Variants in RBFOX1 observed in about 807,000 individuals in gnomAD.
RBFOX1 encodes the protein RNA binding fox-1 homolog 1, also known as RNA binding protein fox-1 homolog 1.
A neutral mutation model predicts 57.7 loss-of-function variants in RBFOX1; 8 were observed. The observed-to-expected ratio is 0.14, with a 90% CI of 0.08 to 0.25. RBFOX1 has a LOEUF of 0.25. Among genes scored for constraint, RBFOX1 ranks in the 10% least tolerant of loss-of-function variants. The pLI is 1.00. For synonymous variants in RBFOX1, 326 were observed against 222.4 expected, an observed-to-expected ratio of 1.47 and a Z score of -4.15; for missense variants, 611 against 548.5, an observed-to-expected ratio of 1.11 and a Z score of -1.14.
chr16:6,048,074 A>G (rs2095513964), intron 1 of RBFOX1, among the ~76,000 whole-genome samples: 1 of 152,210 alleles, frequency 6.6e-6, no homozygotes, highest in Admixed American at 6.5e-5. Context: ...AAATACAGCC[A>G]TTTGTGTTAT....
At chr16:7,013,448 G>C (rs2093749449) in intron 3 of RBFOX1, among the ~76,000 whole-genome samples, 1 of 152,160 alleles carries the variant, frequency 6.6e-6, no homozygotes, top group South Asian at 2.1e-4. Flanking sequence ...CTGGGAAGAG[G>C]ATGCTACTCG....
chr16:7,170,583 A>G (rs2080492317), intron 4 of RBFOX1, among the ~76,000 whole-genome samples: 1 of 152,204 alleles, frequency 6.6e-6, no homozygotes, highest in Admixed American at 6.5e-5. Flanking sequence ...GTGAGAAACT[A>G]AAGGATTTGA....
At chr16:6,509,989 A>G (rs992650919) in intron 2 of RBFOX1, among the ~76,000 whole-genome samples, 3 of 152,100 alleles carry the variant, frequency 2.0e-5, no homozygotes, top group African/African-American at 7.2e-5. Context: ...ACCTTAGACA[A>G]TTGGCCACAT....
In RBFOX1 at chr16:5,378,025, C is replaced by G. The variant is rs185340196; in HGVS notation, c.220-89191C>G. On this transcript the variant is annotated intron_variant, in intron 1 of 2. Coordinates refer to the RBFOX1 transcript ENST00000585867. The stretch of plus-strand genomic sequence containing the variant: ...ATGACCTTTTCCATTTTATTTTTTT[C>G]TTTCTGTAGTCATTCATGGAGAGAG... Among the ~76,000 whole-genome samples the G allele has an allele frequency of 9.9e-5, 15 of 151,110 alleles. No individual in the cohort carries two copies. The East Asian group carries it at 1.5e-3, about 16-fold the overall frequency.
rs532983400 is a variant in RBFOX1 at position 6,483,467 on chromosome 16, G to A, written c.-64+166410G>A. 213 of 1,535,630 alleles carry A rather than the reference G, an allele frequency of 1.4e-4. 3 individuals are homozygous for A. In the South Asian group the frequency reaches 1.7e-3, roughly 12 times the overall value. ...GACTTCTCCCGTGCTGTGTTTTCCC[G>A]GTGAGGAAACAGGAGGCACTTTGCA... On this transcript the variant is annotated intron_variant, in intron 2 of 15. Transcript: ENST00000550418.
At chr16:7,245,395 T>C (rs2152990997) in intron 4 of RBFOX1, among the ~76,000 whole-genome samples, 1 of 152,288 alleles carries the variant, frequency 6.6e-6, no homozygotes, top group South Asian at 2.1e-4. Flanking sequence ...ACATGTGCCA[T>C]GGTTGTTTGC....
intron 14 of RBFOX1, among the ~76,000 whole-genome samples, chr16:7,699,278 ACCTCCT>A (rs1568537947): frequency 3.3e-5 from 5 of 151,594 alleles, no homozygotes; most frequent in Non-Finnish European, 5.9e-5. Context: ...GTAATCCTGG[ACCTCCT>A]GGGATCTAGC....
chr16:6,647,683 C>G (rs2098545021), intron 2 of RBFOX1, among the ~76,000 whole-genome samples: 1 of 152,260 alleles, frequency 6.6e-6, no homozygotes, highest in South Asian at 2.1e-4. Context: ...GTCCATCATA[C>G]TACGTGTTAA....
intron 3 of RBFOX1, among the ~76,000 whole-genome samples, chr16:5,845,088 C>T (rs1310039578): frequency 6.9e-6 from 1 of 144,068 alleles, no homozygotes; most frequent in Admixed American, 7.0e-5. Context: ...TTCTGTAACA[C>T]GGAGGGTTTA....
intron 1 of RBFOX1, among the ~76,000 whole-genome samples, chr16:6,266,105 C>A (rs923276956): frequency 2.0e-4 from 31 of 152,134 alleles, no homozygotes; most frequent in African/African-American, 6.3e-4. Flanking sequence ...CACTTCTGGG[C>A]GGAAGCTTTA....
intron 2 of RBFOX1, among the ~76,000 whole-genome samples, chr16:6,612,016 C>T (rs150043219): frequency 6.6e-6 from 1 of 152,086 alleles, no homozygotes; most frequent in African/African-American, 2.4e-5. Context: ...TGAAAAAATT[C>T]CTTTTGGTTG....
intron 1 of RBFOX1, among the ~76,000 whole-genome samples, chr16:6,245,907 T>C (rs1598764341): frequency 6.6e-6 from 1 of 152,218 alleles, no homozygotes; most frequent in African/African-American, 2.4e-5. Context: ...CATGTCCTTA[T>C]TCATAGCTTT....
intron 4 of RBFOX1, among the ~76,000 whole-genome samples, chr16:7,186,039 C>G (rs1428353189): frequency 2.0e-5 from 3 of 152,072 alleles, no homozygotes; most frequent in East Asian, 1.9e-4. Flanking sequence ...GCGATATTTG[C>G]TAACCCTGGG....
intron 1 of RBFOX1, among the ~76,000 whole-genome samples, chr16:6,177,841 G>C (rs2097025215): frequency 6.6e-6 from 1 of 150,976 alleles, no homozygotes. Flanking sequence ...CCAGTTGCTA[G>C]AGCCACGGGG....
At chr16:6,416,094 T>G (rs1275601647) in intron 2 of RBFOX1, among the ~76,000 whole-genome samples, 1 of 152,194 alleles carries the variant, frequency 6.6e-6, no homozygotes, top group Non-Finnish European at 1.5e-5. Context: ...TGCATGAATA[T>G]TTATCGTCTT....
intron 4 of RBFOX1, among the ~76,000 whole-genome samples, chr16:7,169,745 TCTC>T (rs2152446343): frequency 6.6e-6 from 1 of 152,280 alleles, no homozygotes; most frequent in Admixed American, 6.5e-5. Context: ...TCATCTGCCT[TCTC>T]CTCTTACATG....
chr16:6,173,849 A>G (rs1400522747), intron 1 of RBFOX1, among the ~76,000 whole-genome samples: 1 of 151,738 alleles, frequency 6.6e-6, no homozygotes, highest in African/African-American at 2.4e-5. Flanking sequence ...GCCTGAAGTG[A>G]TCTGCCTGCC....
intron 1 of RBFOX1, among the ~76,000 whole-genome samples, chr16:6,221,905 T>C (rs1211266148): frequency 1.3e-5 from 2 of 152,322 alleles, no homozygotes; most frequent in East Asian, 3.9e-4. Context: ...AGATGAAATT[T>C]GGGTGGGGAC....
intron 4 of RBFOX1, among the ~76,000 whole-genome samples, chr16:7,482,096 T>A (rs2064106808): frequency 6.6e-6 from 1 of 152,232 alleles, no homozygotes; most frequent in African/African-American, 2.4e-5. Flanking sequence ...GGGCTAGTGA[T>A]GGTTATCATA....
Sources: allele counts gnomAD v4.1 joint callset (sites outside exome capture counted in the v4.1 genomes callset), GRCh38; gene constraint gnomAD v4.1.1; transcripts MANE v1.5; gene names NCBI Gene and HGNC (gene_info 2026-07-23, HGNC 2026-07-21).